Variants in SH3PXD2A observed in about 807,000 individuals in gnomAD.
SH3PXD2A encodes the protein SH3 and PX domain-containing protein 2A.
A neutral mutation model predicts 115.2 loss-of-function variants in SH3PXD2A; 32 were observed. The observed-to-expected ratio is 0.28, with a 90% CI of 0.21 to 0.37. The LOEUF (loss-of-function observed/expected upper bound fraction) is 0.37. Ranked by LOEUF, SH3PXD2A falls within the 10% of genes least tolerant of loss-of-function variation. SH3PXD2A has a pLI of 1.00. For missense variants in SH3PXD2A, 1,328 were observed against 1,498.7 expected (o/e 0.89, Z 1.88); for synonymous variants, 610 against 629.1 (o/e 0.97, Z 0.45).
intron 1 of SH3PXD2A, among the ~76,000 whole-genome samples, chr10:103,840,325 C>G (rs936805863): frequency 6.6e-6 from 1 of 152,214 alleles, no homozygotes; most frequent in African/African-American, 2.4e-5. Context: ...CCACCCCGGC[C>G]CAGCCCCCTC....
chr10:103,773,761 A>C (rs1179503446), intron 2 of SH3PXD2A, among the ~76,000 whole-genome samples: 1 of 151,964 alleles, frequency 6.6e-6, no homozygotes, highest in Non-Finnish European at 1.5e-5. Context: ...TCTTTGAGAC[A>C]GGGTCGAGCT....
intron 5 of SH3PXD2A, among the ~76,000 whole-genome samples, chr10:103,702,585 C>CTGTGTGCGTGTGTGTGTGTG (rs1554913249): frequency 3.0e-5 from 1 of 32,984 alleles, no homozygotes; most frequent in Non-Finnish European, 6.2e-5. Context: ...AGATGTAAGC[C>CTGTGTGCGTGTGTGTGTGTG]TGTGTGTGTG....
intron 2 of SH3PXD2A, among the ~76,000 whole-genome samples, chr10:103,790,765 C>G (rs2039027686): frequency 6.6e-6 from 1 of 152,138 alleles, no homozygotes; most frequent in Non-Finnish European, 1.5e-5. Flanking sequence ...GCCATGGGTA[C>G]AGGACAGGAG....
chr10:103,619,136 T>C (rs757148012), intron 10 of SH3PXD2A, among the ~76,000 whole-genome samples: 1 of 152,198 alleles, frequency 6.6e-6, no homozygotes, highest in Non-Finnish European at 1.5e-5. Flanking sequence ...GGGAGGGCCT[T>C]ACTCTGGAGG....
intron 1 of SH3PXD2A, 35 bp from the exon 2 acceptor site, chr10:103,801,397 TG>T (rs1564892472): frequency 4.4e-6 from 6 of 1,379,176 alleles, no homozygotes; most frequent in Non-Finnish European, 6.2e-6. Flanking sequence ...TGAGCAAGGC[TG>T]GATTTCAAGC....
intron 6 of SH3PXD2A, among the ~76,000 whole-genome samples, chr10:103,687,310 A>G (rs2134118843): frequency 6.6e-6 from 1 of 152,228 alleles, no homozygotes; most frequent in East Asian, 1.9e-4. Flanking sequence ...CTTACACTAC[A>G]TCGCTTAATA....
intron 8 of SH3PXD2A, among the ~76,000 whole-genome samples, chr10:103,641,802 G>A (rs976465684): frequency 1.3e-5 from 2 of 152,120 alleles, no homozygotes; most frequent in African/African-American, 4.8e-5. Flanking sequence ...ATGGTAGGGC[G>A]AGGCAGGGAC....
chr10:103,685,266 G>A (rs1487327094), intron 6 of SH3PXD2A, among the ~76,000 whole-genome samples: 1 of 148,852 alleles, frequency 6.7e-6, no homozygotes, highest in East Asian at 2.0e-4. Flanking sequence ...TTGAACCCAG[G>A]AGGTGGAGGT....
intron 5 of SH3PXD2A, among the ~76,000 whole-genome samples, chr10:103,708,397 G>A (rs899261029): frequency 2.6e-5 from 4 of 152,156 alleles, no homozygotes; most frequent in Non-Finnish European, 2.9e-5. Flanking sequence ...GGAGGTTGGA[G>A]CCCAGGCCTC....
At chr10:103,826,514 G>A (rs1236512026) in intron 1 of SH3PXD2A, among the ~76,000 whole-genome samples, 1 of 152,186 alleles carries the variant, frequency 6.6e-6, no homozygotes. Flanking sequence ...AGACTCCCCA[G>A]CTCCTGCAGG....
At chr10:103,810,694 A>G (rs1025245471) in intron 1 of SH3PXD2A, among the ~76,000 whole-genome samples, 5 of 152,110 alleles carry the variant, frequency 3.3e-5, no homozygotes, top group African/African-American at 9.7e-5. Flanking sequence ...AAGTGGCCCA[A>G]TGAATGTGGG....
At chr10:103,810,940 AGGCGCGCG>A (rs2039262664) in intron 1 of SH3PXD2A, among the ~76,000 whole-genome samples, 1 of 4,236 alleles carries the variant, frequency 2.4e-4, no homozygotes, top group Non-Finnish European at 6.5e-4. Flanking sequence ...ACATGGACAC[AGGCGCGCG>A]CGCGCACACA....
chr10:103,798,010 G>A (rs1345380180), intron 2 of SH3PXD2A, among the ~76,000 whole-genome samples: 2 of 152,172 alleles, frequency 1.3e-5, no homozygotes, highest in African/African-American at 2.4e-5. Flanking sequence ...GCTTGGGATC[G>A]CTTTGCACGT....
At chr10:103,678,225 C>T (rs2134099057) in intron 6 of SH3PXD2A, 2 of 1,105,034 alleles carry the variant, frequency 1.8e-6, no homozygotes, top group Non-Finnish European at 2.4e-6. Context: ...TGAGCCTTTC[C>T]TTACCCCATC....
At chr10:103,776,190 C>T (rs2134235679) in intron 2 of SH3PXD2A, among the ~76,000 whole-genome samples, 1 of 152,202 alleles carries the variant, frequency 6.6e-6, no homozygotes, top group African/African-American at 2.4e-5. Context: ...AGTTTCAGAC[C>T]AGCCTGGGCA....
chr10:103,846,470 G>A (rs1243055189), intron 1 of SH3PXD2A, among the ~76,000 whole-genome samples: 1 of 152,198 alleles, frequency 6.6e-6, no homozygotes, highest in African/African-American at 2.4e-5. Context: ...AGGTGGCTGG[G>A]CAGGTGAACC....
intron 1 of SH3PXD2A, among the ~76,000 whole-genome samples, chr10:103,850,727 T>TA (rs1842888981): frequency 1.3e-5 from 2 of 152,346 alleles, no homozygotes; most frequent in South Asian, 4.1e-4. Context: ...ATGGGGCGTG[T>TA]AACCCACTTC....
chr10:103,598,564 C>CATT lies in SH3PXD2A; in HGVS notation c.*3249_*3251dup, dbSNP rs1326682244. 2.0e-5 allele frequency: 3 copies of CATT among 152,674 alleles called. No individual in the cohort carries two copies. Among genetic ancestry groups the CATT allele is most frequent in the African/African-American group, 7.2e-5 (3 of 41,460 alleles). 9.5% of individuals were successfully genotyped at this position (152,674 alleles called of 1,614,324 possible). A position where few individuals can be genotyped will look rare whatever the true frequency, so the allele number is the denominator to read the frequency against. On this transcript the variant is annotated 3_prime_UTR_variant, in exon 15 of 15. Coordinates refer to ENST00000369774, the MANE Select transcript of SH3PXD2A (RefSeq NM_001394015.1). ...TATACAGCAATACAGTGTCGTTTCACATTTTCAGTCGCAACTCATGGGAAA... is the reference window on the plus strand; with the variant it reads ...TATACAGCAATACAGTGTCGTTTCACATTATTTTCAGTCGCAACTCATGGGAAA...
chr10:103,748,003 G>A (rs921982044), intron 3 of SH3PXD2A, among the ~76,000 whole-genome samples: 5 of 151,812 alleles, frequency 3.3e-5, no homozygotes. Context: ...AGCCCAGACA[G>A]TCAACTCTCT....
Sources: allele counts gnomAD v4.1 joint callset (sites outside exome capture counted in the v4.1 genomes callset), GRCh38; gene constraint gnomAD v4.1.1; transcripts MANE v1.5; gene names NCBI Gene and HGNC (gene_info 2026-07-23, HGNC 2026-07-21).